Variants in SETBP1 observed in about 807,000 individuals in gnomAD.
The protein encoded by SETBP1 is SET-binding protein.
A neutral mutation model predicts 101.0 loss-of-function variants in SETBP1; 9 were observed. The ratio of observed to expected loss-of-function variants is 0.09; its 90% CI spans 0.05 to 0.16. SETBP1 has a LOEUF of 0.16. Among genes scored for constraint, SETBP1 ranks in the 10% least tolerant of loss-of-function variants. The pLI, the probability that SETBP1 is intolerant of heterozygous loss-of-function variation, is 1.00. For synonymous variants in SETBP1, 818 were observed against 788.5 expected, an observed-to-expected ratio of 1.04 and a Z score of -0.63; for missense variants, 1,858 against 2,033.8, an observed-to-expected ratio of 0.91 and a Z score of 1.66.
intron 4 of SETBP1, among the ~76,000 whole-genome samples, chr18:44,990,819 A>G (rs1232827490): frequency 6.6e-6 from 1 of 151,302 alleles, no homozygotes; most frequent in Non-Finnish European, 1.5e-5. Context: ...AAAAGTGTAA[A>G]GGTATTAACT....
intron 2 of SETBP1, among the ~76,000 whole-genome samples, chr18:44,705,008 A>C (rs568980903): frequency 1.4e-4 from 22 of 152,204 alleles, no homozygotes; most frequent in Admixed American, 1.3e-3. Flanking sequence ...TCACCTGAAT[A>C]TATGTGCTGA....
chr18:44,705,055 T>C (rs960288932), intron 2 of SETBP1, among the ~76,000 whole-genome samples: 1 of 152,222 alleles, frequency 6.6e-6, no homozygotes, highest in Non-Finnish European at 1.5e-5. Flanking sequence ...GGGAGTCATC[T>C]GAATATATGT....
intron 3 of SETBP1, among the ~76,000 whole-genome samples, chr18:44,947,371 G>A (rs1379795939): frequency 6.6e-6 from 1 of 152,018 alleles, no homozygotes; most frequent in Non-Finnish European, 1.5e-5. Context: ...TCACCATGGA[G>A]CCTCTCTGTG....
chr18:44,765,575 C>T (rs1289456986), intron 2 of SETBP1, among the ~76,000 whole-genome samples: 1 of 152,162 alleles, frequency 6.6e-6, no homozygotes, highest in Non-Finnish European at 1.5e-5. Context: ...TAGTGAATGG[C>T]GGATCCAGTT....
At chr18:44,873,094 A>C (rs1462423113) in intron 3 of SETBP1, among the ~76,000 whole-genome samples, 5 of 127,996 alleles carry the variant, frequency 3.9e-5, no homozygotes, top group Non-Finnish European at 9.2e-5. Context: ...GAAGAGAGTA[A>C]ACAAGAACAC....
chr18:44,930,009 G>A (rs958198734), intron 3 of SETBP1, among the ~76,000 whole-genome samples: 6 of 152,174 alleles, frequency 3.9e-5, no homozygotes, highest in African/African-American at 1.4e-4. Flanking sequence ...TCCTTGTCTT[G>A]TGCCAGTTTT....
In SETBP1 at chr18:45,037,561, A is replaced by G. The variant is rs1195230336; in HGVS notation, c.4001-924A>G. 2.4e-4 allele frequency among the ~76,000 whole-genome samples: 37 copies of G among 152,160 alleles called. 1 individual carries two copies. Among genetic ancestry groups the G allele is most frequent in the Non-Finnish European group, 4.4e-5 (3 of 68,034 alleles). ...ACCACCCCATTTTTACAAGTAAAGA[A>G]GTTTAAAACGTGGAGAGATTAAGTA... On this transcript the variant is annotated intron_variant, in intron 4 of 5. Coordinates refer to ENST00000649279, the MANE Select transcript of SETBP1 (RefSeq NM_015559.3).
At position 45,065,484 on chromosome 18, in the gene SETBP1, C is replaced by T. The variant is rs2073954772; in HGVS notation, c.*1786C>T. On this transcript the variant is annotated 3_prime_UTR_variant, in exon 6 of 6. Coordinates refer to ENST00000649279, the MANE Select transcript of SETBP1 (RefSeq NM_015559.3). Reference sequence around the variant, plus strand: ...ATCATTTCGGAACACAATATTACTTCCTTAGAGAGAGATGGATTTTTGTTG... The same window carrying T: ...ATCATTTCGGAACACAATATTACTTTCTTAGAGAGAGATGGATTTTTGTTG... 1 of 152,168 alleles carries T rather than the reference C, an allele frequency of 6.6e-6. No homozygotes were observed. The highest frequency in any genetic ancestry group is 1.5e-5 in the Non-Finnish European group (1 of 68,026). The allele number at this position is 152,168 out of a possible 1,614,324, so 9.4% of individuals were successfully genotyped here. A position where few individuals can be genotyped will look rare whatever the true frequency, so the allele number is the denominator to read the frequency against.
chr18:44,935,805 T>G (rs566858521), intron 3 of SETBP1, among the ~76,000 whole-genome samples: 16 of 152,288 alleles, frequency 1.1e-4, no homozygotes, highest in Non-Finnish European at 2.2e-4. Flanking sequence ...TCATTTAACT[T>G]TCTCCAGGAG....
At chr18:44,958,810 C>T (rs1190534818) in intron 4 of SETBP1, among the ~76,000 whole-genome samples, 1 of 152,154 alleles carries the variant, frequency 6.6e-6, no homozygotes, top group Non-Finnish European at 1.5e-5. Context: ...GGACCCATGT[C>T]TGGGACTGGA....
intron 4 of SETBP1, among the ~76,000 whole-genome samples, chr18:44,973,850 G>A (rs1027159748): frequency 5.9e-5 from 9 of 152,166 alleles, no homozygotes; most frequent in African/African-American, 2.2e-4. Flanking sequence ...TGTTAAGACT[G>A]CATTTTCGGA....
At chr18:44,961,521 A>T (rs2071610856) in intron 4 of SETBP1, among the ~76,000 whole-genome samples, 1 of 152,176 alleles carries the variant, frequency 6.6e-6, no homozygotes. Flanking sequence ...TTCTAAGAAG[A>T]CTACGTTTGT....
intron 5 of SETBP1, among the ~76,000 whole-genome samples, chr18:45,045,421 C>G (rs1310469393): frequency 2.0e-5 from 3 of 152,130 alleles, no homozygotes; most frequent in Non-Finnish European, 4.4e-5. Flanking sequence ...ACAGAGCAAG[C>G]TCCATCCTCC....
At chr18:44,762,538 A>G (rs1475682389) in intron 2 of SETBP1, among the ~76,000 whole-genome samples, 1 of 152,216 alleles carries the variant, frequency 6.6e-6, no homozygotes, top group Non-Finnish European at 1.5e-5. Context: ...CTTGTTTACT[A>G]TATAGTATTA....
intron 4 of SETBP1, among the ~76,000 whole-genome samples, chr18:45,024,448 A>G (rs2073126532): frequency 6.6e-6 from 1 of 152,096 alleles, no homozygotes; most frequent in Non-Finnish European, 1.5e-5. Context: ...CAGAGGCAAT[A>G]TCTCTCTACC....
chr18:44,980,952 A>G (rs530263734), intron 4 of SETBP1, among the ~76,000 whole-genome samples: 123 of 152,306 alleles, frequency 8.1e-4, no homozygotes, highest in African/African-American at 2.8e-3. Flanking sequence ...ATGCATCTGT[A>G]AAAAGAAAGA....
intron 2 of SETBP1, among the ~76,000 whole-genome samples, chr18:44,781,214 A>G (rs1365252195): frequency 2.0e-5 from 3 of 152,186 alleles, no homozygotes; most frequent in Non-Finnish European, 4.4e-5. Context: ...TAAGCGAGGG[A>G]ATGAAATGAC....
At chr18:44,826,454 C>G (rs1387902917) in intron 2 of SETBP1, among the ~76,000 whole-genome samples, 1 of 152,060 alleles carries the variant, frequency 6.6e-6, no homozygotes, top group Non-Finnish European at 1.5e-5. Flanking sequence ...GTTCCAGGGC[C>G]CAGTGGCTGG....
intron 4 of SETBP1, among the ~76,000 whole-genome samples, chr18:45,016,457 G>C (rs946330102): frequency 6.6e-6 from 1 of 152,162 alleles, no homozygotes; most frequent in African/African-American, 2.4e-5. Context: ...ATCCCACAGA[G>C]TTCCCTGTCG....
Sources: gnomAD v4.1 joint callset for allele counts (sites outside exome capture counted in the v4.1 genomes callset) on GRCh38, gnomAD v4.1.1 for gene constraint, MANE v1.5 for transcripts, NCBI Gene and HGNC (gene_info 2026-07-23, HGNC 2026-07-21) for gene names.